SYT12: variants seen among roughly 807,000 people sequenced by gnomAD.
SYT12 encodes synaptotagmin-12.
In SYT12, 27 loss-of-function variants were observed where a neutral mutation model predicts 39.5. The observed-to-expected ratio is 0.68, with a 90% CI of 0.50 to 0.94. SYT12 has a LOEUF of 0.94. Among genes scored for constraint, SYT12 ranks in the 40% least tolerant of loss-of-function variants. The probability of loss-of-function intolerance (pLI) is 0.00; values close to 1 mark genes in which losing one functional copy is unlikely to be tolerated. For missense variants in SYT12, 536 were observed against 572.6 expected, an observed-to-expected ratio of 0.94 and a Z score of 0.65; for synonymous variants, 233 against 239.7, an observed-to-expected ratio of 0.97 and a Z score of 0.26.
chr11:67,036,080 A>C (rs1187832896), intron 3 of SYT12, among the ~76,000 whole-genome samples: 2 of 150,266 alleles, frequency 1.3e-5, no homozygotes, highest in African/African-American at 5.0e-5. Context: ...ATGCCTAGCT[A>C]ATTTTTTTTT....
At chr11:67,014,593 G>A (rs2136194816) in intron 3 of SYT12, among the ~76,000 whole-genome samples, 1 of 152,342 alleles carries the variant, frequency 6.6e-6, no homozygotes, top group East Asian at 1.9e-4. Flanking sequence ...CTGGGAGCTT[G>A]GGGCCTTGTG....
At chr11:67,047,364 T>TTCAAGTGA (rs1406430612) in intron 7 of SYT12, among the ~76,000 whole-genome samples, 2 of 145,392 alleles carry the variant, frequency 1.4e-5, no homozygotes, top group Non-Finnish European at 3.0e-5. Flanking sequence ...ACTTCCCAGG[T>TTCAAGTGA]TCAAGTGATT....
chr11:67,025,048 G>A (rs1179086238), intron 1 of SYT12, among the ~76,000 whole-genome samples: 1 of 152,164 alleles, frequency 6.6e-6, no homozygotes, highest in Non-Finnish European at 1.5e-5. Flanking sequence ...ACCCCAAAAG[G>A]CCTGCCTGTT....
chr11:67,037,883 GAA>G (rs760091548), intron 3 of SYT12, among the ~76,000 whole-genome samples: 1 of 90,426 alleles, frequency 1.1e-5, no homozygotes, highest in Non-Finnish European at 2.3e-5. Context: ...CTCCCCCTCA[GAA>G]AAAAAAAAAA....
chr11:67,011,805 G>A (rs937985020), intron 3 of SYT12, among the ~76,000 whole-genome samples: 3 of 150,346 alleles, frequency 2.0e-5, no homozygotes, highest in South Asian at 2.1e-4. Flanking sequence ...TTGCTCTGTC[G>A]CCCAGGCTGG....
rs2136216786 is a variant in SYT12, at chr11:67,034,895, C to T, written c.228+57C>T. 2.9e-6 allele frequency: 4 copies of T among 1,371,612 alleles called. No homozygotes were observed. The South Asian group carries it at 4.8e-5, about 17-fold the overall frequency. The allele number at this position is 1,371,612 out of a possible 1,614,324, so 85.0% of individuals were successfully genotyped here. A position where few individuals can be genotyped will look rare whatever the true frequency, so the allele number is the denominator to read the frequency against. On this transcript the variant is annotated intron_variant, in intron 3 of 7. Coordinates refer to ENST00000527043, the MANE Select transcript of SYT12 (RefSeq NM_177963.4). ...AGTGCAACCCCATGCCCCTACCATC[C>T]ACTCAGATCAGTCTTCAGCCCCTCT... is the stretch of plus-strand genomic sequence containing the variant.
At chr11:67,021,468 C>CG (rs1395929769), upstream of SYT12, among the ~76,000 whole-genome samples, 2 of 151,962 alleles carry the variant, frequency 1.3e-5, no homozygotes, top group East Asian at 1.9e-4. Flanking sequence ...TTAGTGGAGA[C>CG]GGGGTTTCAC....
exon 1 of SYT12, chr11:67,006,906 T>C (rs1312039467): frequency 6.6e-6 from 1 of 152,290 alleles, no homozygotes; most frequent in Admixed American, 6.5e-5. Context: ...TTGGCAGCGC[T>C]GCTGCCTTGA....
intron 4 of SYT12, 71 bp downstream of exon 4, chr11:67,040,274 G>A (rs1361931877): frequency 6.6e-7 from 1 of 1,518,532 alleles, no homozygotes; most frequent in Non-Finnish European, 8.8e-7. Flanking sequence ...AGGCATGGCG[G>A]TGGGGCCCGG....
At position 67,039,862 on chromosome 11, in the gene SYT12, C is replaced by G; in HGVS notation, c.280C>G (p.Arg94Gly). ...GGCCAGCACGCGGGGACCACCCAGCCGCAAAGGCAGTCTCAGCATTGAGGA... is the reference window on the plus strand; with the variant it reads ...GGCCAGCACGCGGGGACCACCCAGCGGCAAAGGCAGTCTCAGCATTGAGGA... Reference protein sequence around the residue: ...QRASTRGPPSRKGSLSIEDTF... With the variant: ...QRASTRGPPSGKGSLSIEDTF... Residue 94 changes from arginine (R) to glycine (G), a missense_variant, in exon 4 of 8, where the codon CGC (arginine) becomes GGC (glycine). Coordinates refer to ENST00000527043, the MANE Select transcript of SYT12 (RefSeq NM_177963.4). 2 of 1,613,326 alleles carry G rather than the reference C, an allele frequency of 1.2e-6. No individual in the cohort carries two copies. Among genetic ancestry groups the G allele is most frequent in the Non-Finnish European group, 1.7e-6 (2 of 1,180,014 alleles).
chr11:67,011,057 G>A (rs1237838734), intron 3 of SYT12: 1 of 152,060 alleles, frequency 6.6e-6, no homozygotes, highest in Non-Finnish European at 1.5e-5. Context: ...ACGTATTTGT[G>A]CACGGTCAAT....
chr11:67,006,972 C>T (rs1464450606), exon 1 of SYT12: 1 of 152,246 alleles, frequency 6.6e-6, no homozygotes, highest in Admixed American at 6.5e-5. Context: ...CTTCAGCCAG[C>T]TTGAGCGGTT....
chr11:67,041,929 A>T (rs973693224), intron 4 of SYT12, among the ~76,000 whole-genome samples: 6 of 152,094 alleles, frequency 3.9e-5, no homozygotes, highest in Non-Finnish European at 5.9e-5. Flanking sequence ...CCCTTAGGCT[A>T]CCCTCCACAC....
rs375878477 is a variant in SYT12 at position 67,038,989 on chromosome 11, AAAATAAAT to A, written c.229-800_229-793del. On this transcript the variant is annotated intron_variant, in intron 3 of 7. Transcript: ENST00000527043. ...GCGATGCAGCGAGACTCTGTCTCAAAAAATAAATAAATAAATAAATAAATAAATAGTTG... is the reference window on the plus strand; with the variant it reads ...GCGATGCAGCGAGACTCTGTCTCAAAAAATAAATAAATAAATAAATAGTTG... 4.1e-3 allele frequency among the ~76,000 whole-genome samples: 607 copies of A among 149,766 alleles called. 3 individuals carry two copies. The highest frequency in any genetic ancestry group is 3.9e-3 in the Non-Finnish European group (264 of 67,722).
At position 67,045,874 on chromosome 11, in the gene SYT12, C is replaced by T; in HGVS notation, c.1089C>T (p.Leu363=). Residue 363 remains leucine, a synonymous_variant, in exon 7 of 8, where the codon CTC becomes CTT. Coordinates refer to ENST00000527043, the MANE Select transcript of SYT12 (RefSeq NM_177963.4). The part of the protein sequence containing the change: ...AMIFSVPAIV[L]QDLSLRVTVA... ...TCTTCTCGGTGCCAGCCATTGTGCT[C>T]CAGGTGAGGGGGGCTGGGGGATGGG... is the stretch of plus-strand genomic sequence containing the variant. The T allele has an allele frequency of 6.2e-7, 1 of 1,613,880 alleles. No homozygotes were observed. The highest frequency in any genetic ancestry group is 8.5e-7 in the Non-Finnish European group (1 of 1,179,916).
At chr11:67,047,936 C>T (rs1455790819) in intron 7 of SYT12, among the ~76,000 whole-genome samples, 4 of 150,060 alleles carry the variant, frequency 2.7e-5, no homozygotes, top group Non-Finnish European at 5.9e-5. Context: ...TACAGGTGCC[C>T]GCCACCAGGC....
chr11:67,014,567 G>A (rs961021956), intron 3 of SYT12, among the ~76,000 whole-genome samples: 3 of 152,238 alleles, frequency 2.0e-5, no homozygotes, highest in African/African-American at 4.8e-5. Context: ...TGTGAGCCAG[G>A]CAGGGGACCC....
At chr11:67,035,448 TTTTTC>T (rs201874276) in intron 3 of SYT12, among the ~76,000 whole-genome samples, 3,039 of 147,920 alleles carry the variant, frequency 0.021, 119 homozygotes, top group African/African-American at 0.069. Context: ...TTTCTTTTTC[TTTTTC>T]TTTTCTTTTT....
At chr11:67,011,878 A>G (rs140887261) in intron 3 of SYT12, among the ~76,000 whole-genome samples, 6,221 of 151,692 alleles carry the variant, frequency 0.041, 405 homozygotes, top group African/African-American at 0.14. Context: ...CAATTCTCCC[A>G]TCTCAGCCTC....
Sources: allele counts gnomAD v4.1 joint callset (sites outside exome capture counted in the v4.1 genomes callset), GRCh38; gene constraint gnomAD v4.1.1; transcripts MANE v1.5; gene names NCBI Gene and HGNC (gene_info 2026-07-23, HGNC 2026-07-21).